The following MAP4 variants were observed in gnomAD, a reference collection of about 807,000 sequenced individuals.
MAP4 encodes microtubule-associated protein 4.
In MAP4, 76 loss-of-function variants were observed where a neutral mutation model predicts 170.2. The observed-to-expected ratio is 0.45, with a 90% CI of 0.37 to 0.54. The LOEUF is 0.54. MAP4 is among the 20% of genes least tolerant of loss of function. The pLI is 0.00. For missense variants in MAP4, 2,506 were observed against 2,748.0 expected, an observed-to-expected ratio of 0.91 and a Z score of 1.97; for synonymous variants, 909 against 994.5, an observed-to-expected ratio of 0.91 and a Z score of 1.62.
chr3:47,928,474 C>T, intron 3 of MAP4, 124 bp from the exon 4 acceptor site: 2 of 962,172 alleles, frequency 2.1e-6, no homozygotes, highest in South Asian at 1.7e-5. Flanking sequence ...TAGTGTCTTA[C>T]AAGAAAACTT....
At chr3:47,874,771 G>C (rs1022100193) in intron 12 of MAP4, among the ~76,000 whole-genome samples, 2 of 152,230 alleles carry the variant, frequency 1.3e-5, no homozygotes, top group African/African-American at 4.8e-5. Flanking sequence ...TAGTTTATGA[G>C]AGGATTTTTC....
intron 1 of MAP4, among the ~76,000 whole-genome samples, chr3:48,026,134 C>A (rs2100113014): frequency 6.6e-6 from 1 of 152,146 alleles, no homozygotes; most frequent in African/African-American, 2.4e-5. Context: ...AAATTAGTGA[C>A]TATTAGGCCA....
In MAP4 at chr3:47,911,236, C is replaced by T; in HGVS notation, c.3185G>A (p.Arg1062Lys). The T allele has an allele frequency of 6.5e-7, 1 of 1,536,150 alleles. No individual in the cohort carries two copies. Among genetic ancestry groups the T allele is most frequent in the Non-Finnish European group, 8.7e-7 (1 of 1,146,902 alleles). Residue 1062 changes from arginine (R) to lysine (K), a missense_variant, in exon 9 of 21, where the codon AGG (arginine) becomes AAG (lysine). By Grantham distance (26) the Arg-to-Lys change is conservative. Around this residue, in one of 3 missense-constraint regions of MAP4, gnomAD observed 2,008 missense variants for 2,206.0 expected, o/e 0.91. Transcript: ENST00000683076. This position sits in a 1 kb window ranked among gnomAD's most constrained non-coding sequence, Gnocchi z 4.0. The part of the protein sequence containing the change: ...FKRMAGDGKS[R>K]KGRGSSGKMR... ...TTTCCCAGAACTTCCCCTTCCCTTC[C>T]TGCTTTTGCCATCACCTGCCATTCT...
intron 17 of MAP4, among the ~76,000 whole-genome samples, chr3:47,862,634 C>T (rs780225130): frequency 4.6e-5 from 7 of 151,972 alleles, no homozygotes; most frequent in Non-Finnish European, 7.4e-5. Context: ...CGTGCCACCA[C>T]GCCCAGCTGA....
Position 47,911,230 on chromosome 3 carries a change from C to T in MAP4, c.3191G>A (p.Gly1064Glu). ...RMAGDGKSRKGRGSSGKMRTD... is the reference protein window; with the variant it reads ...RMAGDGKSRKERGSSGKMRTD... ...TCTCATTTTCCCAGAACTTCCCCTT[C>T]CCTTCCTGCTTTTGCCATCACCTGC... The change falls in exon 9 of 21, where the codon GGA becomes GAA. Residue 1064 changes from glycine (G) to glutamate (E), a missense_variant. Gly to Glu is a moderately conservative substitution (Grantham distance 98). This residue lies in a region of MAP4 where 2,008 missense variants were observed against 2,206.0 expected (regional missense o/e 0.91). Coordinates refer to ENST00000683076, the MANE Select transcript of MAP4 (RefSeq NM_001385682.1). This position sits in a 1 kb window ranked among gnomAD's most constrained non-coding sequence, Gnocchi z 4.0. 1 of 1,536,114 alleles carries T rather than the reference C, an allele frequency of 6.5e-7. No homozygotes were observed. Among genetic ancestry groups the T allele is most frequent in the South Asian group, 1.2e-5 (1 of 84,066 alleles).
intron 3 of MAP4, among the ~76,000 whole-genome samples, chr3:47,945,418 T>TA (rs1490885894): frequency 6.6e-6 from 1 of 152,022 alleles, no homozygotes; most frequent in Admixed American, 6.6e-5. Flanking sequence ...GAATACAAGA[T>TA]ACGGTTCCTC....
intron 14 of MAP4, 24 bp downstream of exon 14, chr3:47,871,203 A>G: frequency 6.2e-7 from 1 of 1,614,062 alleles, no homozygotes. Context: ...TTAGGGCTCT[A>G]CAAAATGGCG....
chr3:47,930,711 A>G (rs1374341737), intron 3 of MAP4, among the ~76,000 whole-genome samples: 4 of 151,046 alleles, frequency 2.6e-5, no homozygotes, highest in South Asian at 2.1e-4. Flanking sequence ...GGCGGATCAC[A>G]AGGTCAGGAA....
chr3:47,935,936 C>A (rs1356580296), intron 3 of MAP4, among the ~76,000 whole-genome samples: 1 of 129,182 alleles, frequency 7.7e-6, no homozygotes, highest in African/African-American at 3.2e-5. Context: ...GAGACTTAGT[C>A]TCCAAAAAAA....
chr3:48,006,885 C>T (rs950037764), intron 1 of MAP4, among the ~76,000 whole-genome samples: 2 of 152,212 alleles, frequency 1.3e-5, no homozygotes, highest in African/African-American at 4.8e-5. Flanking sequence ...AGCAAATTAA[C>T]ACATCTCCTG....
chr3:47,898,445 T>C (rs2100028197), intron 10 of MAP4, among the ~76,000 whole-genome samples: 1 of 149,964 alleles, frequency 6.7e-6, no homozygotes, highest in African/African-American at 2.5e-5. Context: ...GAGGTTGCAG[T>C]GAGCTGAGAT....
intron 1 of MAP4, among the ~76,000 whole-genome samples, chr3:48,080,838 C>T (rs1453343661): frequency 6.6e-6 from 1 of 151,874 alleles, no homozygotes; most frequent in Non-Finnish European, 1.5e-5. Context: ...AAAAATTAGC[C>T]AGTTGGCCGG....
At chr3:47,967,396 C>T (rs6442090) in intron 3 of MAP4, among the ~76,000 whole-genome samples, 59,927 of 151,826 alleles carry the variant, frequency 0.39, 13,030 homozygotes, top group African/African-American at 0.59. Context: ...CTTACGCCTG[C>T]AATCCCAACA....
intron 3 of MAP4, among the ~76,000 whole-genome samples, chr3:47,955,983 T>G (rs2100067588): frequency 6.6e-6 from 1 of 152,180 alleles, no homozygotes; most frequent in African/African-American, 2.4e-5. Context: ...TGCCCTCTTT[T>G]GCAGAAAATT....
intron 10 of MAP4, among the ~76,000 whole-genome samples, chr3:47,889,109 A>C (rs1241300181): frequency 6.6e-6 from 1 of 152,250 alleles, no homozygotes; most frequent in African/African-American, 2.4e-5. Context: ...GGGAAGCAAA[A>C]AGAGATGACA....
At chr3:47,871,418 G>A (rs2092624131) in intron 13 of MAP4, 132 bp from the exon 14 acceptor site, 2 of 760,880 alleles carry the variant, frequency 2.6e-6, no homozygotes, top group East Asian at 2.6e-5. Flanking sequence ...GTTAGTCCCT[G>A]GGAATGGAGT....
At chr3:48,022,141 T>C (rs2100110869) in intron 1 of MAP4, among the ~76,000 whole-genome samples, 1 of 152,190 alleles carries the variant, frequency 6.6e-6, no homozygotes, top group South Asian at 2.1e-4. Flanking sequence ...CAACTGGATA[T>C]TTTGAGCTCT....
intron 1 of MAP4, among the ~76,000 whole-genome samples, chr3:48,046,405 G>C (rs558317652): frequency 6.6e-6 from 1 of 152,238 alleles, no homozygotes; most frequent in East Asian, 1.9e-4. Context: ...TAGGGAATTG[G>C]TATTATTTAA....
intron 1 of MAP4, among the ~76,000 whole-genome samples, chr3:48,022,761 T>C (rs1029726358): frequency 2.6e-5 from 4 of 152,088 alleles, no homozygotes; most frequent in Admixed American, 6.5e-5. Flanking sequence ...CGTGGTGGCA[T>C]GCGCCTATAG....
Sources: gnomAD v4.1 joint callset for allele counts (sites outside exome capture counted in the v4.1 genomes callset) on GRCh38, gnomAD v4.1.1 for gene constraint, gnomAD v4.1.1 regional missense constraint, Gnocchi (gnomAD v3.1) non-coding constraint, MANE v1.5 for transcripts, NCBI Gene and HGNC (gene_info 2026-07-23, HGNC 2026-07-21) for gene names.